Variants in JPH2 observed in about 807,000 individuals in gnomAD.
The protein encoded by JPH2 is junctophilin 2, also known as junctophilin-2.
Under a neutral mutation model 55.9 loss-of-function variants are expected in JPH2, and 38 were observed. That is an observed-to-expected ratio of 0.68 (90% CI 0.52 to 0.89). The LOEUF (loss-of-function observed/expected upper bound fraction) is 0.89, where lower values mean the gene tolerates loss of function less well. Among genes scored for constraint, JPH2 ranks in the 40% least tolerant of loss-of-function variants. JPH2 has a pLI of 0.00. For missense variants in JPH2, 964 were observed against 1,037.6 expected (o/e 0.93, Z 0.97); for synonymous variants, 480 against 472.4 (o/e 1.02, Z -0.21).
chr20:44,122,040 T>G (rs937301172), intron 2 of JPH2, among the ~76,000 whole-genome samples: 1 of 152,096 alleles, frequency 6.6e-6, no homozygotes, highest in African/African-American at 2.4e-5. Context: ...AGCTAGTAAG[T>G]ACCAGAGTAA....
At chr20:44,134,876 TTATA>T (rs11467922) in intron 2 of JPH2, among the ~76,000 whole-genome samples, 1 of 62,114 alleles carries the variant, frequency 1.6e-5, no homozygotes, top group South Asian at 3.5e-4. Context: ...ATATATATAT[TTATA>T]TATATATTAA....
At chr20:44,177,582 C>T in intron 1 of JPH2, 1 of 1,160,480 alleles carries the variant, frequency 8.6e-7, no homozygotes, top group Non-Finnish European at 1.1e-6. Flanking sequence ...AAGACAGCAG[C>T]TCAGCTGACT....
At chr20:44,146,066 C>T (rs2072492241) in intron 2 of JPH2, among the ~76,000 whole-genome samples, 1 of 149,326 alleles carries the variant, frequency 6.7e-6, no homozygotes, top group Admixed American at 6.7e-5. Flanking sequence ...TGGAGTCTCA[C>T]TCGGTTGCCC....
At chr20:44,165,225 G>T (rs867705448) in intron 1 of JPH2, among the ~76,000 whole-genome samples, 1 of 151,308 alleles carries the variant, frequency 6.6e-6, no homozygotes, top group South Asian at 2.1e-4. Context: ...TTATCATATG[G>T]AAATTACACC....
chr20:44,137,969 A>G (rs572374037), intron 2 of JPH2, among the ~76,000 whole-genome samples: 2 of 152,098 alleles, frequency 1.3e-5, no homozygotes, highest in South Asian at 2.1e-4. Flanking sequence ...GTAACACTGT[A>G]GAAAGTGCAT....
intron 2 of JPH2, among the ~76,000 whole-genome samples, chr20:44,140,184 T>C (rs1444311474): frequency 6.6e-6 from 1 of 152,204 alleles, no homozygotes; most frequent in East Asian, 1.9e-4. Flanking sequence ...ATTTTATTTT[T>C]TTTTAATAAA....
At chr20:44,114,712 A>G in intron 5 of JPH2, 70 bp downstream of exon 5, 1 of 1,164,172 alleles carries the variant, frequency 8.6e-7, no homozygotes, top group Middle Eastern at 2.5e-4. Context: ...CCCTCCTCCC[A>G]CCACCCTGGT....
chr20:44,140,313 C>A (rs1024011249), intron 2 of JPH2, among the ~76,000 whole-genome samples: 5 of 152,188 alleles, frequency 3.3e-5, no homozygotes, highest in Non-Finnish European at 2.9e-5. Flanking sequence ...GGGGGCACCC[C>A]AGTTTAGCTT....
At chr20:44,162,787 T>TATACACACACACAC (rs1311653754) in intron 1 of JPH2, among the ~76,000 whole-genome samples, 1 of 41,006 alleles carries the variant, frequency 2.4e-5, no homozygotes, top group African/African-American at 1.2e-4. Context: ...TATATATATA[T>TATACACACACACAC]ACACACACAC....
At chr20:44,122,744 C>T (rs375832098) in intron 2 of JPH2, among the ~76,000 whole-genome samples, 42 of 152,114 alleles carry the variant, frequency 2.8e-4, no homozygotes, top group African/African-American at 9.2e-4. Flanking sequence ...GTGTTGGTGG[C>T]GGTGGTGAAA....
intron 1 of JPH2, among the ~76,000 whole-genome samples, chr20:44,163,818 A>G (rs1286879905): frequency 6.6e-6 from 1 of 152,206 alleles, no homozygotes; most frequent in Non-Finnish European, 1.5e-5. Flanking sequence ...TCTGTTGGAA[A>G]AGGTCCCTAG....
intron 2 of JPH2, among the ~76,000 whole-genome samples, chr20:44,137,306 A>C (rs770197418): frequency 7.9e-4 from 117 of 148,872 alleles, no homozygotes; most frequent in Non-Finnish European, 1.4e-3. Flanking sequence ...GTCAGCAGAC[A>C]TCTCCTGCCT....
chr20:44,162,630 C>T (rs1245112962), intron 1 of JPH2, among the ~76,000 whole-genome samples: 1 of 151,328 alleles, frequency 6.6e-6, no homozygotes, highest in Non-Finnish European at 1.5e-5. Context: ...CCTCGAACAT[C>T]AGACTCCAAG....
In JPH2 at chr20:44,160,901, T is replaced by C. The variant is rs939910202; in HGVS notation, c.380-494A>G. Among the ~76,000 whole-genome samples, 1 of 152,102 alleles carries C rather than the reference T, an allele frequency of 6.6e-6. No homozygotes were observed. The highest frequency in any genetic ancestry group is 1.5e-5 in the Non-Finnish European group (1 of 68,016). On this transcript the variant is annotated intron_variant, in intron 1 of 5. Coordinates refer to ENST00000372980, the MANE Select transcript of JPH2 (RefSeq NM_020433.5). The surrounding 1 kb of genome is among the most constrained non-coding windows in gnomAD (Gnocchi z 4.9). ...GAGTTCAAGACCAACCTGGGCAACA[T>C]GGTGAAACCTCTCTCTACAAAAAAA... is the stretch of plus-strand genomic sequence containing the variant.
chr20:44,171,628 C>G (rs758308194), intron 1 of JPH2, among the ~76,000 whole-genome samples: 1 of 152,164 alleles, frequency 6.6e-6, no homozygotes, highest in African/African-American at 2.4e-5. Context: ...GCTCAGGTCC[C>G]ACCTCCAAGC....
intron 2 of JPH2, among the ~76,000 whole-genome samples, chr20:44,150,126 T>C (rs6017273): frequency 0.26 from 39,806 of 151,746 alleles, 6,040 homozygotes; most frequent in East Asian, 0.49. Context: ...TTACAGGAAG[T>C]ACAGGAAAGA....
intron 1 of JPH2, among the ~76,000 whole-genome samples, chr20:44,174,330 G>A (rs565860213): frequency 1.3e-5 from 2 of 152,274 alleles, no homozygotes; most frequent in East Asian, 1.9e-4. Context: ...AGAGTAGGGA[G>A]AAACAAAGGG....
intron 2 of JPH2, 128 bp from the exon 3 acceptor site, chr20:44,118,751 AT>A: frequency 1.3e-6 from 1 of 767,506 alleles, no homozygotes; most frequent in Non-Finnish European, 2.3e-6. Flanking sequence ...ATGAATATTT[AT>A]TGAGCCTCAT....
chr20:44,154,340 T>C (rs1239387687), intron 2 of JPH2, among the ~76,000 whole-genome samples: 2 of 152,242 alleles, frequency 1.3e-5, no homozygotes, highest in Non-Finnish European at 2.9e-5. Context: ...GTAATCAATA[T>C]TTTAAAAATG....
Sources: allele counts gnomAD v4.1 joint callset (sites outside exome capture counted in the v4.1 genomes callset), GRCh38; gene constraint gnomAD v4.1.1; non-coding constraint Gnocchi (gnomAD v3.1); transcripts MANE v1.5; gene names NCBI Gene and HGNC (gene_info 2026-07-23, HGNC 2026-07-21).